The following GLRA3 variants were observed in gnomAD, a reference collection of about 807,000 sequenced individuals.
GLRA3 encodes the protein glycine receptor subunit alpha-3.
A neutral mutation model predicts 60.4 loss-of-function variants in GLRA3; 44 were observed. The ratio of observed to expected loss-of-function variants is 0.73; its 90% confidence interval spans 0.57 to 0.94. The LOEUF is 0.94. Among genes scored for constraint, GLRA3 ranks in the 40% least tolerant of loss-of-function variants. The pLI, the probability that GLRA3 is intolerant of heterozygous loss-of-function variation, is 0.00. For synonymous variants in GLRA3, 223 were observed against 192.9 expected, an observed-to-expected ratio of 1.16 and a Z score of -1.29; for missense variants, 508 against 564.6, an observed-to-expected ratio of 0.90 and a Z score of 1.02.
At chr4:174,721,041 G>T (rs1414131212) in intron 4 of GLRA3, among the ~76,000 whole-genome samples, 1 of 145,060 alleles carries the variant, frequency 6.9e-6, no homozygotes, top group Non-Finnish European at 1.5e-5. Context: ...GTGTGTGTGT[G>T]TTTTTGAGAT....
intron 3 of GLRA3, among the ~76,000 whole-genome samples, chr4:174,733,030 A>T (rs1736615550): frequency 6.6e-6 from 1 of 152,186 alleles, no homozygotes; most frequent in African/African-American, 2.4e-5. Flanking sequence ...CATCACATAT[A>T]TATTATGTAT....
rs1561110653 is a variant in GLRA3 at position 174,775,892 on chromosome 4, A to T, written c.200-8862T>A. The stretch of plus-strand genomic sequence containing the variant: ...ATGTATCATACCAAAAATAATGGAA[A>T]AAAAATAATAATTAGTTTAATGACA... On this transcript the variant is annotated intron_variant, in intron 2 of 9. Coordinates refer to ENST00000274093, the MANE Select transcript of GLRA3 (RefSeq NM_006529.4). 4.5e-5 allele frequency among the ~76,000 whole-genome samples: 3 copies of T among 66,486 alleles called. No individual in the cohort carries two copies. In the South Asian group the frequency reaches 1.7e-3, roughly 39 times the overall value. The allele number at this position is 66,486 out of a possible 152,430, so 43.6% of individuals were successfully genotyped here. A position where few individuals can be genotyped will look rare whatever the true frequency, so the allele number is the denominator to read the frequency against.
intron 2 of GLRA3, among the ~76,000 whole-genome samples, chr4:174,786,417 A>G (rs543585390): frequency 6.6e-6 from 1 of 152,264 alleles, no homozygotes; most frequent in African/African-American, 2.4e-5. Context: ...GCCCCTAGGT[A>G]CATGACGACA....
At chr4:174,645,572 ATAGT>A (rs1444737310) in intron 9 of GLRA3, among the ~76,000 whole-genome samples, 3 of 152,176 alleles carry the variant, frequency 2.0e-5, no homozygotes, top group Non-Finnish European at 2.9e-5. Context: ...AAGGTATAAA[ATAGT>A]TATTTTGGGA....
intron 9 of GLRA3, among the ~76,000 whole-genome samples, chr4:174,651,501 A>T (rs1733020377): frequency 6.6e-6 from 1 of 152,170 alleles, no homozygotes; most frequent in Non-Finnish European, 1.5e-5. Context: ...ATTATTCTAG[A>T]AATTGCACAA....
intron 1 of GLRA3, 101 bp downstream of exon 1, chr4:174,828,640 A>G (rs1741076526): frequency 4.0e-6 from 3 of 743,468 alleles, no homozygotes; most frequent in South Asian, 1.5e-5. Flanking sequence ...CAACAAGTCA[A>G]TATAGAATTG....
rs1732558972 is a variant in GLRA3 at position 174,638,698 on chromosome 4, G to A, written c.*5088C>T. 6.6e-6 allele frequency: 1 copy of A among 152,200 alleles called. No individual in the cohort carries two copies. The highest frequency in any genetic ancestry group is 1.5e-5 in the Non-Finnish European group (1 of 68,028). The allele number at this position is 152,200 out of a possible 1,614,324, so 9.4% of individuals were successfully genotyped here. On this transcript the variant is annotated 3_prime_UTR_variant, in exon 10 of 10. Coordinates refer to ENST00000274093, the MANE Select transcript of GLRA3 (RefSeq NM_006529.4). ...AAAGTGTTAAATTGATCCTTATTAA[G>A]AGAATAAGCTTGTGTAAGTTCACAC...
intron 2 of GLRA3, among the ~76,000 whole-genome samples, chr4:174,788,180 A>C (rs1739193295): frequency 1.3e-5 from 2 of 152,054 alleles, no homozygotes; most frequent in South Asian, 4.1e-4. Flanking sequence ...ATTACAGGAT[A>C]TATTGTGGTT....
At chr4:174,713,075 A>G (rs1014611895) in intron 5 of GLRA3, among the ~76,000 whole-genome samples, 1 of 152,102 alleles carries the variant, frequency 6.6e-6, no homozygotes, top group Admixed American at 6.5e-5. Context: ...AGAAGCTTCT[A>G]CTTTGACTGA....
chr4:174,683,637 C>T (rs1734442624), intron 5 of GLRA3, among the ~76,000 whole-genome samples: 2 of 152,184 alleles, frequency 1.3e-5, no homozygotes. Context: ...GCGTCAGCCA[C>T]CGCGCCCAGA....
intron 1 of GLRA3, among the ~76,000 whole-genome samples, chr4:174,813,507 C>A (rs1269232532): frequency 6.6e-6 from 1 of 152,196 alleles, no homozygotes; most frequent in African/African-American, 2.4e-5. Flanking sequence ...AGACTTGGCT[C>A]TATTCTGTGT....
chr4:174,780,001 C>T (rs1172190088), intron 2 of GLRA3, among the ~76,000 whole-genome samples: 3 of 141,714 alleles, frequency 2.1e-5, no homozygotes, highest in Non-Finnish European at 3.1e-5. Flanking sequence ...AACTCCAAGA[C>T]ACATAATTGT....
At chr4:174,703,549 T>C (rs1735403244) in intron 5 of GLRA3, among the ~76,000 whole-genome samples, 2 of 152,196 alleles carry the variant, frequency 1.3e-5, no homozygotes, top group South Asian at 2.1e-4. Context: ...TTCACACTGT[T>C]TTTGTTTACT....
chr4:174,714,578 A>G (rs780977230), intron 5 of GLRA3, among the ~76,000 whole-genome samples: 6 of 152,162 alleles, frequency 3.9e-5, no homozygotes, highest in Admixed American at 3.3e-4. Flanking sequence ...TTGCCCCACA[A>G]AGTTGGTCTG....
At chr4:174,707,234 A>G (rs1246056013) in intron 5 of GLRA3, among the ~76,000 whole-genome samples, 1 of 152,210 alleles carries the variant, frequency 6.6e-6, no homozygotes, top group Non-Finnish European at 1.5e-5. Context: ...CTGGGAGTGT[A>G]TAATGATATA....
chr4:174,650,216 A>G (rs1732978239), intron 9 of GLRA3, among the ~76,000 whole-genome samples: 1 of 152,154 alleles, frequency 6.6e-6, no homozygotes, highest in African/African-American at 2.4e-5. Context: ...AAAAAAGAGA[A>G]AAAACTTGTG....
At chr4:174,753,905 C>T (rs1266957062) in intron 3 of GLRA3, among the ~76,000 whole-genome samples, 2 of 152,064 alleles carry the variant, frequency 1.3e-5, no homozygotes, top group Non-Finnish European at 2.9e-5. Flanking sequence ...GATATACAGT[C>T]TGATAAAGGA....
At chr4:174,826,710 T>C (rs961512626) in intron 1 of GLRA3, among the ~76,000 whole-genome samples, 3 of 152,216 alleles carry the variant, frequency 2.0e-5, no homozygotes, top group Non-Finnish European at 4.4e-5. Context: ...TAAGCTGTTT[T>C]GAAATTTAAA....
At chr4:174,677,411 G>A (rs1457842554) in intron 6 of GLRA3, 119 bp from the exon 7 acceptor site, 9 of 638,624 alleles carry the variant, frequency 1.4e-5, no homozygotes. Flanking sequence ...CCAGGCTGGA[G>A]TGAAGTGGCA....
Sources: allele counts gnomAD v4.1 joint callset (sites outside exome capture counted in the v4.1 genomes callset), GRCh38; gene constraint gnomAD v4.1.1; transcripts MANE v1.5; gene names NCBI Gene and HGNC (gene_info 2026-07-23, HGNC 2026-07-21).